Variants in TIAM1 observed in about 807,000 individuals in gnomAD.
The protein encoded by TIAM1 is rho guanine nucleotide exchange factor TIAM1.
A neutral mutation model predicts 163.5 loss-of-function variants in TIAM1; 65 were observed. That is an observed-to-expected ratio of 0.40 (90% CI 0.33 to 0.49). The LOEUF (loss-of-function observed/expected upper bound fraction) is 0.49, where lower values mean the gene tolerates loss of function less well. TIAM1 is among the 20% of genes least tolerant of loss of function. TIAM1 has a pLI of 0.77. For missense variants in TIAM1, 1,789 were observed against 2,044.7 expected (o/e 0.87, Z 2.41); for synonymous variants, 833 against 810.1 (o/e 1.03, Z -0.48).
intron 1 of TIAM1, among the ~76,000 whole-genome samples, chr21:31,470,058 C>T (rs2045686223): frequency 6.8e-6 from 1 of 148,058 alleles, no homozygotes; most frequent in Non-Finnish European, 1.5e-5. Context: ...GGCTGGAGTG[C>T]AGTGGCGCGA....
chr21:31,319,228 TA>T (rs11461290), intron 2 of TIAM1, among the ~76,000 whole-genome samples: 9 of 147,986 alleles, frequency 6.1e-5, no homozygotes, highest in Non-Finnish European at 3.0e-5. Context: ...GGTGAACTGA[TA>T]AAAAAAAAAA....
At chr21:31,330,454 T>G (rs941253554) in intron 2 of TIAM1, among the ~76,000 whole-genome samples, 3 of 152,206 alleles carry the variant, frequency 2.0e-5, no homozygotes, top group Non-Finnish European at 2.9e-5. Flanking sequence ...TTTTCTTTTT[T>G]GGGGGACAGA....
At chr21:31,522,594 C>T (rs527314634) in intron 1 of TIAM1, among the ~76,000 whole-genome samples, 6 of 152,130 alleles carry the variant, frequency 3.9e-5, no homozygotes, top group Admixed American at 6.5e-5. Flanking sequence ...AATTGTTTAT[C>T]GTCAGGGAGC....
rs767392933 is a variant in TIAM1 at position 31,454,846 on chromosome 21, G to A, written c.-369+9137C>T. On this transcript the variant is annotated intron_variant, in intron 2 of 28. Coordinates refer to the TIAM1 transcript ENST00000286827. ...GTGAAGATGTAACTCCCTAGTGAGCGTCTGGGGACAGCGACTCCCCAATAA... is the reference window on the plus strand; with the variant it reads ...GTGAAGATGTAACTCCCTAGTGAGCATCTGGGGACAGCGACTCCCCAATAA... 4.1e-4 allele frequency among the ~76,000 whole-genome samples: 62 copies of A among 152,248 alleles called. 1 individual carries two copies. The highest frequency in any genetic ancestry group is 3.4e-3 in the Middle Eastern group (1 of 294).
At chr21:31,329,040 A>C (rs1035924518) in intron 2 of TIAM1, among the ~76,000 whole-genome samples, 1 of 152,164 alleles carries the variant, frequency 6.6e-6, no homozygotes, top group Non-Finnish European at 1.5e-5. Context: ...GATGATTTCA[A>C]ATGTGTGGAA....
At chr21:31,236,699 T>C (rs562424906) in intron 6 of TIAM1, among the ~76,000 whole-genome samples, 17 of 152,254 alleles carry the variant, frequency 1.1e-4, no homozygotes, top group African/African-American at 3.6e-4. Flanking sequence ...GGGTTTAAGA[T>C]ACCACGAGCT....
intron 2 of TIAM1, among the ~76,000 whole-genome samples, chr21:31,445,288 C>T (rs1029841454): frequency 3.9e-5 from 6 of 152,166 alleles, no homozygotes; most frequent in African/African-American, 1.4e-4. Flanking sequence ...TATTACTGTG[C>T]CCCTGCTGGC....
intron 2 of TIAM1, among the ~76,000 whole-genome samples, chr21:31,297,178 A>G (rs2074309636): frequency 6.6e-6 from 1 of 152,256 alleles, no homozygotes; most frequent in African/African-American, 2.4e-5. Flanking sequence ...ATAAAATTAG[A>G]GGGTATACTT....
At chr21:31,316,923 G>A (rs947573596) in intron 2 of TIAM1, among the ~76,000 whole-genome samples, 2 of 152,136 alleles carry the variant, frequency 1.3e-5, no homozygotes, top group Admixed American at 6.5e-5. Context: ...TGCCTAGGTG[G>A]GTAAGTCTAC....
chr21:31,133,766 T>C lies in TIAM1; in HGVS notation c.3883+2167A>G, dbSNP rs150715493. ...TTGGCCCAAAGCCTAAAATGTACTA[T>C]GTAGCCTTTAACAGAAAAGAGGGTC... On this transcript the variant is annotated intron_variant, in intron 23 of 27. Transcript: ENST00000541036. Among the ~76,000 whole-genome samples, 710 of 152,282 alleles carry C rather than the reference T, an allele frequency of 4.7e-3. 2 individuals carry two copies. The highest frequency in any genetic ancestry group is 0.016 in the African/African-American group (666 of 41,550).
chr21:31,323,574 T>TA (rs1420080152), intron 2 of TIAM1, among the ~76,000 whole-genome samples: 2 of 152,018 alleles, frequency 1.3e-5, no homozygotes, highest in Non-Finnish European at 2.9e-5. Context: ...CTCATGCCTG[T>TA]AACCCCAGCA....
chr21:31,385,319 T>C (rs758134450), intron 2 of TIAM1, among the ~76,000 whole-genome samples: 2 of 152,196 alleles, frequency 1.3e-5, no homozygotes, highest in Non-Finnish European at 2.9e-5. Flanking sequence ...TAGATAGATA[T>C]AGATTTTTAA....
At chr21:31,490,793 C>A (rs1321501783) in intron 1 of TIAM1, among the ~76,000 whole-genome samples, 2 of 152,228 alleles carry the variant, frequency 1.3e-5, no homozygotes, top group Non-Finnish European at 2.9e-5. Flanking sequence ...ACTGGCAGTG[C>A]TGCAACTCCA....
At chr21:31,171,729 G>A (rs2084523084) in intron 15 of TIAM1, among the ~76,000 whole-genome samples, 1 of 152,196 alleles carries the variant, frequency 6.6e-6, no homozygotes, top group Non-Finnish European at 1.5e-5. Context: ...TTGGGCTGGT[G>A]TTGTGATTTG....
At chr21:31,456,322 G>A (rs2045099240) in intron 2 of TIAM1, among the ~76,000 whole-genome samples, 1 of 152,208 alleles carries the variant, frequency 6.6e-6, no homozygotes, top group Admixed American at 6.5e-5. Context: ...CAGGGACACT[G>A]TGGCACAGAG....
At chr21:31,475,022 T>TTTA (rs71318280) in intron 1 of TIAM1, among the ~76,000 whole-genome samples, 3 of 29,042 alleles carry the variant, frequency 1.0e-4, no homozygotes, top group Non-Finnish European at 1.7e-4. Flanking sequence ...TGTGAGCTAG[T>TTTA]TTTTTATTAT....
intron 2 of TIAM1, among the ~76,000 whole-genome samples, chr21:31,378,307 C>A (rs1602134276): frequency 6.6e-6 from 1 of 152,022 alleles, no homozygotes; most frequent in Non-Finnish European, 1.5e-5. Context: ...CAGGAGGCAC[C>A]TTATGTCTTC....
chr21:31,479,540 A>T (rs2833422), intron 1 of TIAM1, among the ~76,000 whole-genome samples: 1 of 151,792 alleles, frequency 6.6e-6, no homozygotes, highest in African/African-American at 2.4e-5. Context: ...CCAATTGTTA[A>T]AGTTTTAGGA....
intron 1 of TIAM1, among the ~76,000 whole-genome samples, chr21:31,491,519 T>C (rs2046468632): frequency 6.6e-6 from 1 of 152,170 alleles, no homozygotes; most frequent in African/African-American, 2.4e-5. Flanking sequence ...TCACGATGAC[T>C]TCCTGTCGGT....
Sources: gnomAD v4.1 joint callset for allele counts (sites outside exome capture counted in the v4.1 genomes callset) on GRCh38, gnomAD v4.1.1 for gene constraint, MANE v1.5 for transcripts, NCBI Gene and HGNC (gene_info 2026-07-23, HGNC 2026-07-21) for gene names.